Variants in FBXL7 observed in about 807,000 individuals in gnomAD.
FBXL7 encodes the protein F-box/LRR-repeat protein 7.
In FBXL7, 12 loss-of-function variants were observed where a neutral mutation model predicts 38.3. The observed-to-expected ratio is 0.31, with a 90% CI of 0.20 to 0.51. FBXL7 has a LOEUF of 0.51. Ranked by LOEUF, FBXL7 falls within the 20% of genes least tolerant of loss-of-function variation. The probability of loss-of-function intolerance (pLI) is 0.98; values close to 1 mark genes in which losing one functional copy is unlikely to be tolerated. For missense variants in FBXL7, 567 were observed against 676.4 expected, an observed-to-expected ratio of 0.84 and a Z score of 1.79; for synonymous variants, 297 against 300.9, an observed-to-expected ratio of 0.99 and a Z score of 0.13.
intron 2 of FBXL7, among the ~76,000 whole-genome samples, chr5:15,787,497 G>C (rs1380583716): frequency 6.6e-6 from 1 of 152,140 alleles, no homozygotes; most frequent in East Asian, 1.9e-4. Context: ...GATACTATTG[G>C]AGTGAATCTA....
chr5:15,755,405 CGT>C (rs1158100881), intron 2 of FBXL7, among the ~76,000 whole-genome samples: 1 of 151,656 alleles, frequency 6.6e-6, no homozygotes, highest in Admixed American at 6.6e-5. Flanking sequence ...TGTGTGTGTG[CGT>C]GTGTGTATAT....
chr5:15,652,456 T>C lies in FBXL7; in HGVS notation c.127+36384T>C, dbSNP rs564998203. On this transcript the variant is annotated intron_variant, in intron 2 of 3. Coordinates refer to ENST00000504595, the MANE Select transcript of FBXL7 (RefSeq NM_012304.5). The stretch of plus-strand genomic sequence containing the variant: ...TAATTTTTTGTGTTTTTTGTAGAGA[T>C]GGGCTTTCACCGTGTTAGCCCGGAT... 2.4e-3 allele frequency among the ~76,000 whole-genome samples: 358 copies of C among 152,274 alleles called. 5 individuals carry two copies. The highest frequency in any genetic ancestry group is 0.021 in the Admixed American group (320 of 15,300).
At chr5:15,906,633 A>G (rs1320281134) in intron 2 of FBXL7, among the ~76,000 whole-genome samples, 1 of 127,816 alleles carries the variant, frequency 7.8e-6, no homozygotes, top group Non-Finnish European at 1.6e-5. Context: ...GTCATCTAGC[A>G]TTAGGTATAT....
intron 2 of FBXL7, among the ~76,000 whole-genome samples, chr5:15,717,629 CTG>C (rs928650238): frequency 6.6e-6 from 1 of 152,164 alleles, no homozygotes; most frequent in African/African-American, 2.4e-5. Context: ...GTGAGAAAAA[CTG>C]AGCAAAAAGT....
intron 2 of FBXL7, among the ~76,000 whole-genome samples, chr5:15,836,356 T>C (rs1016123510): frequency 2.0e-5 from 3 of 152,124 alleles, no homozygotes; most frequent in Admixed American, 2.0e-4. Context: ...AATTATATAG[T>C]ATTTTGAAAG....
chr5:15,733,968 T>A (rs6554901), intron 2 of FBXL7, among the ~76,000 whole-genome samples: 110,686 of 151,932 alleles, frequency 0.73, 40,725 homozygotes, highest in East Asian at 0.88. Context: ...TTACCTGGGC[T>A]TGGTGGCATG....
intron 1 of FBXL7, among the ~76,000 whole-genome samples, chr5:15,590,244 C>T (rs1580389047): frequency 6.6e-6 from 1 of 152,190 alleles, no homozygotes; most frequent in Non-Finnish European, 1.5e-5. Context: ...ATCACAAATT[C>T]CTTGTGTTTC....
intron 2 of FBXL7, among the ~76,000 whole-genome samples, chr5:15,679,558 G>GTTTTT (rs34375125): frequency 1.6e-5 from 2 of 125,128 alleles, no homozygotes; most frequent in Non-Finnish European, 1.7e-5. Flanking sequence ...ATGCTTCATT[G>GTTTTT]TTTTTTTTTT....
At chr5:15,660,557 C>T (rs541576456) in intron 2 of FBXL7, among the ~76,000 whole-genome samples, 18 of 152,188 alleles carry the variant, frequency 1.2e-4, no homozygotes, top group African/African-American at 3.1e-4. Flanking sequence ...GGGGTTTCAC[C>T]GTGTTGGTCA....
intron 2 of FBXL7, among the ~76,000 whole-genome samples, chr5:15,634,272 T>C (rs937643017): frequency 1.3e-5 from 2 of 151,660 alleles, no homozygotes; most frequent in African/African-American, 4.8e-5. Context: ...CATTTTCTAT[T>C]ATTGCATAAC....
chr5:15,747,188 A>G (rs1736038584), intron 2 of FBXL7, among the ~76,000 whole-genome samples: 1 of 152,240 alleles, frequency 6.6e-6, no homozygotes. Flanking sequence ...CGAGGCAATT[A>G]CATAGTATAT....
intron 2 of FBXL7, among the ~76,000 whole-genome samples, chr5:15,785,450 G>A (rs1737109168): frequency 6.6e-6 from 1 of 152,158 alleles, no homozygotes; most frequent in African/African-American, 2.4e-5. Flanking sequence ...GCACCCAGTT[G>A]GTGGTTATAA....
At chr5:15,678,371 G>A (rs1742728368) in intron 2 of FBXL7, among the ~76,000 whole-genome samples, 1 of 152,146 alleles carries the variant, frequency 6.6e-6, no homozygotes, top group African/African-American at 2.4e-5. Context: ...CAGAAGTGCT[G>A]TATAGAGCTA....
At chr5:15,719,062 C>G (rs1744122837) in intron 2 of FBXL7, among the ~76,000 whole-genome samples, 1 of 152,210 alleles carries the variant, frequency 6.6e-6, no homozygotes, top group Non-Finnish European at 1.5e-5. Context: ...ACCAAACTCA[C>G]AGTACAGCTA....
chr5:15,935,198 G>T (rs1281995242), intron 3 of FBXL7: 1 of 534,692 alleles, frequency 1.9e-6, no homozygotes, highest in Admixed American at 1.9e-5. Flanking sequence ...ATCCTTGGGA[G>T]CCCTGTTAGA....
intron 3 of FBXL7, among the ~76,000 whole-genome samples, chr5:15,934,444 T>C (rs1206029973): frequency 6.6e-6 from 1 of 151,958 alleles, no homozygotes; most frequent in African/African-American, 2.4e-5. Flanking sequence ...AGAACTTAAA[T>C]ATACCATGAA....
chr5:15,586,309 A>C (rs1273014844), intron 1 of FBXL7, among the ~76,000 whole-genome samples: 40 of 71,784 alleles, frequency 5.6e-4, no homozygotes, highest in Middle Eastern at 0.013. Flanking sequence ...CTCCCCCCTC[A>C]CCTCCCCCTC....
At chr5:15,539,452 T>C (rs1737675275) in intron 1 of FBXL7, among the ~76,000 whole-genome samples, 1 of 152,186 alleles carries the variant, frequency 6.6e-6, no homozygotes. Flanking sequence ...CTTACTTGCT[T>C]CCTCTTTTTA....
chr5:15,615,566 C>T (rs1183928889), intron 1 of FBXL7, among the ~76,000 whole-genome samples: 1 of 152,192 alleles, frequency 6.6e-6, no homozygotes, highest in Non-Finnish European at 1.5e-5. Context: ...GAGTTAGCGG[C>T]TCTTGCTCCT....
Sources: gnomAD v4.1 joint callset for allele counts (sites outside exome capture counted in the v4.1 genomes callset) on GRCh38, gnomAD v4.1.1 for gene constraint, MANE v1.5 for transcripts, NCBI Gene and HGNC (gene_info 2026-07-23, HGNC 2026-07-21) for gene names.